Variants in UBR2 observed in about 807,000 individuals in gnomAD.
The protein encoded by UBR2 is E3 ubiquitin-protein ligase UBR2.
A neutral mutation model predicts 247.9 loss-of-function variants in UBR2; 92 were observed. That is an observed-to-expected ratio of 0.37 (90% CI 0.31 to 0.44). UBR2 has a LOEUF of 0.44. UBR2 is among the 20% of genes least tolerant of loss of function. The pLI is 1.00. For synonymous variants in UBR2, 672 were observed against 693.5 expected (o/e 0.97, Z 0.49); for missense variants, 1,613 against 2,112.6 (o/e 0.76, Z 4.64).
rs189237901 is a variant in UBR2, at chr6:42,686,600, C to T, written c.4854-1616C>T. On this transcript the variant is annotated intron_variant, in intron 44 of 46. Coordinates refer to ENST00000372901, the MANE Select transcript of UBR2 (RefSeq NM_001363705.2). The stretch of plus-strand genomic sequence containing the variant: ...TGTCAATGAGCTGTTGGTTGCACCT[C>T]CCAGATGGGGTGGCGGCCAGGTAGA... Among the ~76,000 whole-genome samples the T allele has an allele frequency of 2.0e-5, 3 of 152,396 alleles. 1 individual carries two copies. The East Asian group carries it at 5.8e-4, about 29-fold the overall frequency.
chr6:42,604,209 G>T (rs1437711228), intron 5 of UBR2, among the ~76,000 whole-genome samples: 1 of 152,030 alleles, frequency 6.6e-6, no homozygotes, highest in East Asian at 1.9e-4. Context: ...TTAAATTATT[G>T]AAATTACAAA....
chr6:42,661,694 T>C (rs1207910459), intron 30 of UBR2, among the ~76,000 whole-genome samples: 3 of 152,144 alleles, frequency 2.0e-5, no homozygotes, highest in African/African-American at 7.2e-5. Context: ...TCACTTTGGC[T>C]CTGATGTGAT....
intron 4 of UBR2, among the ~76,000 whole-genome samples, chr6:42,599,701 G>A (rs948355616): frequency 1.3e-5 from 2 of 152,038 alleles, no homozygotes; most frequent in Non-Finnish European, 2.9e-5. Context: ...CCAGGCTGAA[G>A]TAGAGTGGTG....
At chr6:42,669,963 GC>G in intron 34 of UBR2, 128 bp from the exon 35 acceptor site, 2 of 1,143,284 alleles carry the variant, frequency 1.7e-6, no homozygotes, top group Middle Eastern at 6.0e-4. Context: ...TCTGATCACT[GC>G]ATACAATTAT....
In UBR2 at chr6:42,615,977, T is replaced by A. The variant is rs1426538849; in HGVS notation, c.1094-25T>A. On this transcript the variant is annotated intron_variant, in intron 9 of 46. Coordinates refer to ENST00000372901, the MANE Select transcript of UBR2 (RefSeq NM_001363705.2). Reference sequence around the variant, plus strand: ...TGTAATTGTTGGGCGTGTCCTTATCTTATACCGTGATCTTTTTCTACAAGG... The same window carrying A: ...TGTAATTGTTGGGCGTGTCCTTATCATATACCGTGATCTTTTTCTACAAGG... 2.0e-6 allele frequency: 3 copies of A among 1,528,172 alleles called. No homozygotes were observed. The East Asian group carries it at 7.0e-5, about 36-fold the overall frequency. 94.7% of individuals were successfully genotyped at this position (1,528,172 alleles called of 1,614,324 possible). A position where few individuals can be genotyped will look rare whatever the true frequency, so the allele number is the denominator to read the frequency against.
chr6:42,675,757 C>T (rs1429902960), intron 38 of UBR2, among the ~76,000 whole-genome samples: 4 of 151,990 alleles, frequency 2.6e-5, no homozygotes, highest in Admixed American at 6.6e-5. Context: ...GTCAGGAGTT[C>T]GAGACCAGCC....
chr6:42,597,752 A>G (rs2151922217), intron 4 of UBR2, among the ~76,000 whole-genome samples: 1 of 151,938 alleles, frequency 6.6e-6, no homozygotes, highest in East Asian at 1.9e-4. Context: ...CCCCGTCTCT[A>G]CTAAAAATAC....
chr6:42,565,172 G>A (rs2151895358), intron 1 of UBR2, among the ~76,000 whole-genome samples: 1 of 152,282 alleles, frequency 6.6e-6, no homozygotes, highest in South Asian at 2.1e-4. Context: ...TATTCCAAAC[G>A]TAAAACCGTT....
At chr6:42,639,448 CT>C (rs1232744224) in intron 15 of UBR2, among the ~76,000 whole-genome samples, 1 of 152,202 alleles carries the variant, frequency 6.6e-6, no homozygotes, top group Non-Finnish European at 1.5e-5. Flanking sequence ...AAAAAATTAG[CT>C]GGGCATGGTG....
At chr6:42,597,716 C>A (rs2151922175) in intron 4 of UBR2, among the ~76,000 whole-genome samples, 2 of 151,740 alleles carry the variant, frequency 1.3e-5, no homozygotes, top group South Asian at 4.2e-4. Context: ...GAGTTCGAGA[C>A]CAGCTTGGTC....
At position 42,665,220 on chromosome 6, in the gene UBR2, A is replaced by G. The variant is rs1023618112; in HGVS notation, c.3699-189A>G. On this transcript the variant is annotated intron_variant, in intron 32 of 46. Transcript: ENST00000372901. ...TAATACACAGTGTTATTACCATCAT[A>G]TTGACAAATAATATATTCCTTTCCA... is the stretch of plus-strand genomic sequence containing the variant. Among the ~76,000 whole-genome samples, 42 of 152,168 alleles carry G rather than the reference A, an allele frequency of 2.8e-4. 1 individual carries two copies. The highest frequency in any genetic ancestry group is 2.6e-3 in the Admixed American group (40 of 15,264).
intron 25 of UBR2, among the ~76,000 whole-genome samples, chr6:42,653,654 C>T (rs1797260075): frequency 8.6e-6 from 1 of 116,170 alleles, no homozygotes; most frequent in African/African-American, 3.4e-5. Context: ...TTGCTCTTGT[C>T]ACCCAGGCTG....
chr6:42,613,829 AT>A lies in UBR2; in HGVS notation c.986-1232del, dbSNP rs201592299. On this transcript the variant is annotated intron_variant, in intron 8 of 46. Coordinates refer to ENST00000372901, the MANE Select transcript of UBR2 (RefSeq NM_001363705.2). The stretch of plus-strand genomic sequence containing the variant: ...AGCTTTTATAATTGAAAGTTATTCC[AT>A]TTTTTTTTTAATTTTGCATGCTTGA... Among the ~76,000 whole-genome samples the A allele has an allele frequency of 4.6e-3, 682 of 147,610 alleles. 3 individuals are homozygous for A. The highest frequency in any genetic ancestry group is 0.014 in the African/African-American group (560 of 40,316).
chr6:42,632,479 TG>T (rs1795809842), intron 11 of UBR2, 72 bp from the exon 12 acceptor site: 1 of 1,350,016 alleles, frequency 7.4e-7, no homozygotes, highest in Non-Finnish European at 9.8e-7. Context: ...TAAACAATGT[TG>T]GTGACTTTTT....
At position 42,658,655 on chromosome 6, in the gene UBR2, G is replaced by A. The variant is rs762350996; in HGVS notation, c.3073G>A (p.Asp1025Asn). Residue 1025 changes from aspartate to asparagine, a missense_variant, in exon 29 of 47, where the codon GAC (aspartate) becomes AAC (asparagine). Physicochemically the swap from Asp to Asn is conservative, Grantham distance 23. Transcript: ENST00000372901. Reference protein sequence around the residue: ...EGTIMEESSRDKDKAERKRKA... With the variant: ...EGTIMEESSRNKDKAERKRKA... ...TGGAGCATAATTTCAGAGTTCAAGG[G>A]ACAAAGACAAAGCTGAGAGGAAGAG... is the stretch of plus-strand genomic sequence containing the variant. The A allele has an allele frequency of 1.9e-6, 3 of 1,607,532 alleles. No homozygotes were observed. The highest frequency in any genetic ancestry group is 1.7e-6 in the Non-Finnish European group (2 of 1,178,176).
At chr6:42,611,330 G>A (rs1005920037) in intron 7 of UBR2, among the ~76,000 whole-genome samples, 4 of 151,346 alleles carry the variant, frequency 2.6e-5, no homozygotes, top group South Asian at 2.1e-4. Flanking sequence ...ACGTGGTGGC[G>A]CATGCCTGTA....
intron 11 of UBR2, among the ~76,000 whole-genome samples, chr6:42,630,868 G>A (rs747540479): frequency 6.6e-5 from 10 of 151,864 alleles, no homozygotes; most frequent in South Asian, 2.1e-4. Flanking sequence ...CTGGAGTGGC[G>A]TGATCATGGC....
intron 8 of UBR2, among the ~76,000 whole-genome samples, chr6:42,614,253 C>CAT (rs1794312268): frequency 7.4e-6 from 1 of 135,774 alleles, no homozygotes; most frequent in East Asian, 2.1e-4. Flanking sequence ...CACGCGCGCA[C>CAT]ATATATATAC....
rs1016520945 is a variant in UBR2 at position 42,621,142 on chromosome 6, C to T, written c.1281+3635C>T. Among the ~76,000 whole-genome samples, 6 of 152,280 alleles carry T rather than the reference C, an allele frequency of 3.9e-5. No individual in the cohort carries two copies. In the East Asian group the frequency reaches 7.7e-4, roughly 20 times the overall value. Reference sequence around the variant, plus strand: ...CCAAGGTCACAAAGATATTCTCCCACGTTTTCTAAAAGCTGCCTTTCCCAT... The same window carrying T: ...CCAAGGTCACAAAGATATTCTCCCATGTTTTCTAAAAGCTGCCTTTCCCAT... On this transcript the variant is annotated intron_variant, in intron 11 of 46. Transcript: ENST00000372901.
Sources: gnomAD v4.1 joint callset for allele counts (sites outside exome capture counted in the v4.1 genomes callset) on GRCh38, gnomAD v4.1.1 for gene constraint, MANE v1.5 for transcripts, NCBI Gene and HGNC (gene_info 2026-07-23, HGNC 2026-07-21) for gene names.